Variants in DPP9 observed in about 807,000 individuals in gnomAD.
DPP9 encodes the protein dipeptidyl peptidase 9, also known as dipeptidyl peptidase IV-related protein-2.
In DPP9, 50 loss-of-function variants were observed where a neutral mutation model predicts 110.7. The observed-to-expected ratio is 0.45, with a 90% CI of 0.36 to 0.57. The LOEUF is 0.57. Among genes scored for constraint, DPP9 ranks in the 20% least tolerant of loss-of-function variants. DPP9 has a pLI of 0.00. For missense variants in DPP9, 1,022 were observed against 1,217.9 expected (o/e 0.84, Z 2.39); for synonymous variants, 561 against 514.4 (o/e 1.09, Z -1.23).
chr19:4,679,998 G>C, intron 20 of DPP9, 52 bp from the exon 21 acceptor site: 1 of 1,328,972 alleles, frequency 7.5e-7, no homozygotes, highest in Non-Finnish European at 1.1e-6. Context: ...CGTGGGGTAG[G>C]AGGGGAGCAG....
At chr19:4,711,017 C>T (rs1333173262) in intron 4 of DPP9, among the ~76,000 whole-genome samples, 3 of 152,220 alleles carry the variant, frequency 2.0e-5, no homozygotes, top group East Asian at 1.9e-4. Flanking sequence ...ATCTTTGTCC[C>T]GGAAATTTGG....
chr19:4,688,237 G>A (rs2090978273), intron 16 of DPP9: 1 of 152,684 alleles, frequency 6.5e-6, no homozygotes, highest in South Asian at 2.1e-4. Flanking sequence ...AGTCTCTGGA[G>A]TAGCTAGGAC....
At chr19:4,680,656 T>TA (rs531015203) in intron 20 of DPP9, among the ~76,000 whole-genome samples, 44,016 of 127,194 alleles carry the variant, frequency 0.35, 8,351 homozygotes, top group African/African-American at 0.54. Flanking sequence ...GAGCTATGAT[T>TA]AAAAAAAAAA....
rs765435141 is a variant in DPP9 at position 4,694,779 on chromosome 19, G to A, written c.1398C>T (p.Asp466=). 6.1e-5 allele frequency: 99 copies of A among 1,613,780 alleles called. 1 individual carries two copies. The highest frequency in any genetic ancestry group is 1.9e-4 in the South Asian group (17 of 91,076). Residue 466 remains aspartate (D), a synonymous_variant, in exon 13 of 22, where the codon GAC becomes GAT. Coordinates refer to ENST00000262960, the MANE Select transcript of DPP9 (RefSeq NM_139159.5). This position sits in a 1 kb window ranked among gnomAD's most constrained non-coding sequence, Gnocchi z 4.0. ...CATTGGCGCGGAGAAAGCAGAGCTC[G>A]TCCTCTCCCTCTGATTGGGGGAAGG... is the stretch of plus-strand genomic sequence containing the variant. ...FYPFPQSEGE[D]ELCFLRANEC...
chr19:4,692,506 A>G (rs1026993887), intron 13 of DPP9, among the ~76,000 whole-genome samples: 2 of 152,024 alleles, frequency 1.3e-5, no homozygotes, highest in Non-Finnish European at 1.5e-5. Flanking sequence ...TTCTGATGCA[A>G]TGTCACTTGG....
chr19:4,707,297 AT>A (rs1191272536), intron 4 of DPP9, among the ~76,000 whole-genome samples: 2 of 152,052 alleles, frequency 1.3e-5, no homozygotes. Context: ...ATAACTGTGT[AT>A]TTTCCAAATG....
At chr19:4,688,974 C>G in intron 15 of DPP9, 82 bp from the exon 16 acceptor site, 1 of 1,432,834 alleles carries the variant, frequency 7.0e-7, no homozygotes, top group Non-Finnish European at 9.1e-7. Flanking sequence ...TCCAGGGTAG[C>G]TTCCCTCCCG....
intron 7 of DPP9, among the ~76,000 whole-genome samples, chr19:4,703,346 AG>A (rs1426716509): frequency 6.6e-6 from 1 of 151,996 alleles, no homozygotes; most frequent in Non-Finnish European, 1.5e-5. Context: ...ACAGAGCGGC[AG>A]GGTGCGGTAG....
At position 4,685,684 on chromosome 19, in the gene DPP9, T is replaced by G. The variant is rs762729074; in HGVS notation, c.1973A>C (p.His658Pro). ...VRLYGMIYKP[H>P]ALQPGKKHPT... ...GTGCTTCTTCCCTGGCTGCAAGGCG[T>G]GGGGCTTGTAGATCATGCCGTAGAG... The change falls in exon 17 of 22, where the codon CAC (histidine) becomes CCC (proline). Residue 658 changes from histidine (H) to proline (P), a missense_variant. His to Pro is a moderately conservative substitution (Grantham distance 77, BLOSUM62 -2). Transcript: ENST00000262960. The surrounding 1 kb of genome is among the most constrained non-coding windows in gnomAD (Gnocchi z 5.8). 3.1e-6 allele frequency: 5 copies of G among 1,613,086 alleles called. No homozygotes were observed. Among genetic ancestry groups the G allele is most frequent in the South Asian group, 1.1e-5 (1 of 90,952 alleles).
chr19:4,695,210 C>T lies in DPP9; in HGVS notation c.1353+168G>A. On this transcript the variant is annotated intron_variant, in intron 12 of 21. Coordinates refer to ENST00000262960, the MANE Select transcript of DPP9 (RefSeq NM_139159.5). The surrounding 1 kb of genome is among the most constrained non-coding windows in gnomAD (Gnocchi z 4.7). The stretch of plus-strand genomic sequence containing the variant: ...AATGGCTGCCAGACTCACCAACCCC[C>T]CTAGACCCTCTTCCCTGCCAGCCAG... 1.4e-6 allele frequency: 1 copy of T among 704,356 alleles called. No individual in the cohort carries two copies. Among genetic ancestry groups the T allele is most frequent in the Non-Finnish European group, 2.3e-6 (1 of 437,338 alleles). The allele number at this position is 704,356 out of a possible 1,614,324, so 43.6% of individuals were successfully genotyped here.
intron 8 of DPP9, 82 bp downstream of exon 8, chr19:4,702,521 G>A (rs1012825760): frequency 2.0e-5 from 22 of 1,085,994 alleles, no homozygotes; most frequent in Non-Finnish European, 3.0e-5. Flanking sequence ...GGTGAAAGGA[G>A]TAAGGCGCAG....
At chr19:4,688,463 G>T (rs1599882391) in intron 16 of DPP9, 2 of 353,026 alleles carry the variant, frequency 5.7e-6, no homozygotes, top group Non-Finnish European at 1.0e-5. Flanking sequence ...CAGTGACAGG[G>T]TCTGTGTCTC....
chr19:4,722,511 C>T lies in DPP9; in HGVS notation c.-48G>A, dbSNP rs1432492105. ...CAGCACAACTGACCTTCTAAAGGGTCCAGAGAGCCTCCATTCCAGCTGCAG... is the reference window on the plus strand; with the variant it reads ...CAGCACAACTGACCTTCTAAAGGGTTCAGAGAGCCTCCATTCCAGCTGCAG... On this transcript the variant is annotated 5_prime_UTR_variant, in exon 2 of 22. It introduces an in-frame stop codon into an upstream open reading frame of the 5' UTR. Coordinates refer to ENST00000262960, the MANE Select transcript of DPP9 (RefSeq NM_139159.5). 1.3e-5 allele frequency: 9 copies of T among 703,118 alleles called. No homozygotes were observed. In the Admixed American group the frequency reaches 1.8e-4, roughly 14 times the overall value. The allele number at this position is 703,118 out of a possible 1,614,324, so 43.6% of individuals were successfully genotyped here.
At chr19:4,722,576 A>C (rs1216203054) in intron 1 of DPP9, 25 bp from the exon 2 acceptor site, 1 of 702,898 alleles carries the variant, frequency 1.4e-6, no homozygotes, top group Non-Finnish European at 2.6e-6. Context: ...CATGTCATGA[A>C]TGTGGCAGGT....
chr19:4,697,587 T>C lies in DPP9; in HGVS notation c.1139A>G (p.Tyr380Cys). 1 of 1,613,918 alleles carries C rather than the reference T, an allele frequency of 6.2e-7. No homozygotes were observed. The highest frequency in any genetic ancestry group is 8.5e-7 in the Non-Finnish European group (1 of 1,179,858). ...PFSSLFPKVE[Y>C]IARAGWTRDG... is the part of the protein sequence containing the mutation. ...CCGGGTCCACCCGGCCCTGGCGATG[T>C]ACTCCACCTTCGGGAACAGCGAGCT... Residue 380 changes from tyrosine (Y) to cysteine (C), a missense_variant, in exon 11 of 22, where the codon TAC becomes TGC. Tyr to Cys is a radical substitution (Grantham distance 194). Coordinates refer to ENST00000262960, the MANE Select transcript of DPP9 (RefSeq NM_139159.5).
chr19:4,686,566 CACCT>C (rs2090754799), intron 16 of DPP9, among the ~76,000 whole-genome samples: 1 of 152,062 alleles, frequency 6.6e-6, no homozygotes, highest in African/African-American at 2.4e-5. Flanking sequence ...GTGATCCACC[CACCT>C]ATGTCTCCCA....
At chr19:4,699,700 G>A (rs2092097021) in intron 10 of DPP9, among the ~76,000 whole-genome samples, 1 of 152,138 alleles carries the variant, frequency 6.6e-6, no homozygotes, top group Admixed American at 6.6e-5. Flanking sequence ...TAGATCTGAG[G>A]AGGTCGGGGG....
At chr19:4,678,099 TTTTTCTTTC>T (rs946496056) in intron 21 of DPP9, among the ~76,000 whole-genome samples, 11 of 152,116 alleles carry the variant, frequency 7.2e-5, no homozygotes, top group African/African-American at 2.6e-4. Flanking sequence ...ATGCTTTTCT[TTTTTCTTTC>T]TTTTCTTTTT....
rs2091574206 is a variant in DPP9, at chr19:4,694,116, C to T, written c.1516+545G>A. On this transcript the variant is annotated intron_variant, in intron 13 of 21. Transcript: ENST00000262960. This position sits in a 1 kb window ranked among gnomAD's most constrained non-coding sequence, Gnocchi z 4.0. ...TCTAACTGTTTCTGGAATACTGCCTCCTCCACTAGAAGGTCCCAAGAGCAG... is the reference window on the plus strand; with the variant it reads ...TCTAACTGTTTCTGGAATACTGCCTTCTCCACTAGAAGGTCCCAAGAGCAG... 4.6e-5 allele frequency among the ~76,000 whole-genome samples: 7 copies of T among 151,080 alleles called. No individual in the cohort carries two copies. In the South Asian group the frequency reaches 1.4e-3, roughly 31 times the overall value.
Sources: allele counts gnomAD v4.1 joint callset (sites outside exome capture counted in the v4.1 genomes callset), GRCh38; gene constraint gnomAD v4.1.1; non-coding constraint Gnocchi (gnomAD v3.1); transcripts MANE v1.5; gene names NCBI Gene and HGNC (gene_info 2026-07-23, HGNC 2026-07-21).